Variants in EGFL7 observed in about 807,000 individuals in gnomAD.
EGFL7 encodes the protein EGF like domain multiple 7.
EGFL7 carries 48 observed loss-of-function variants against 37.1 expected under a neutral mutation model. The ratio of observed to expected loss-of-function variants is 1.29; its 90% CI spans 1.03 to 1.65. The LOEUF (loss-of-function observed/expected upper bound fraction) is 1.65. EGFL7 is among the 40% of genes most tolerant of loss of function. EGFL7 has a pLI of 0.00. For missense variants in EGFL7, 384 were observed against 378.9 expected (o/e 1.01, Z -0.11); for synonymous variants, 180 against 156.8 (o/e 1.15, Z -1.10).
Position 136,671,021 on chromosome 9 carries a change from CA to C in EGFL7, c.636+8del. ...GGTGGACCTGCTGGAGGAGGTGAGG[CA>C]TTGGTGGGGGGGGGGGGGGGCAGGC... On this transcript the variant is annotated splice_region_variant and intron_variant, in intron 9 of 10. Transcript: ENST00000308874. 2 of 401,978 alleles carry C rather than the reference CA, an allele frequency of 5.0e-6. No individual in the cohort carries two copies. The highest frequency in any genetic ancestry group is 3.9e-6 in the Non-Finnish European group (1 of 253,480). The allele number at this position is 401,978 out of a possible 1,614,324, so 24.9% of individuals were successfully genotyped here.
At position 136,669,997 on chromosome 9, in the gene EGFL7, A is replaced by C. The variant is rs779130991; in HGVS notation, c.397A>C (p.Thr133Pro). The C allele has an allele frequency of 6.3e-7, 1 of 1,598,332 alleles. No homozygotes were observed. The highest frequency in any genetic ancestry group is 8.5e-7 in the Non-Finnish European group (1 of 1,170,944). Residue 133 changes from threonine to proline, a missense_variant, in exon 7 of 11, where the codon ACT becomes CCT. Transcript: ENST00000308874. ...CTGCCCTGCAGGATGGCGGGGTGAC[A>C]CTTGCCAGTCAGGTGAGGCTGGCTC... Reference protein sequence around the residue: ...CRCPAGWRGDTCQSDVDECSA... With the variant: ...CRCPAGWRGDPCQSDVDECSA...
Position 136,670,974 on chromosome 9 carries a change from A to T in EGFL7, c.596A>T (p.Glu199Val). The T allele has an allele frequency of 6.8e-7, 1 of 1,478,520 alleles. No homozygotes were observed. The highest frequency in any genetic ancestry group is 2.0e-5 in the Admixed American group (1 of 49,244). The allele number at this position is 1,478,520 out of a possible 1,614,324, so 91.6% of individuals were successfully genotyped here. ...PTGVDSAMKE[E>V]VQRLQSRVDL... ...GGAGTGGACAGTGCAATGAAGGAAG[A>T]AGTGCAGAGGCTGCAGTCCAGGGTG... The change falls in exon 9 of 11, where the codon GAA (glutamate) becomes GTA (valine). Residue 199 changes from glutamate (E) to valine (V), a missense_variant. Glu to Val is a moderately radical substitution (Grantham distance 121, BLOSUM62 -2). Transcript: ENST00000308874.
Position 136,672,641 on chromosome 9 carries a change from T to G in EGFL7, c.*355T>G, listed in dbSNP as rs1845994620. 1 of 438,998 alleles carries G rather than the reference T, an allele frequency of 2.3e-6. No individual in the cohort carries two copies. The highest frequency in any genetic ancestry group is 4.1e-6 in the Non-Finnish European group (1 of 241,268). 27.2% of individuals were successfully genotyped at this position (438,998 alleles called of 1,614,324 possible). A position where few individuals can be genotyped will look rare whatever the true frequency, so the allele number is the denominator to read the frequency against. On this transcript the variant is annotated 3_prime_UTR_variant, in exon 11 of 11. Transcript: ENST00000308874. The stretch of plus-strand genomic sequence containing the variant: ...GGCTGGGTGGGGCCTCAGTGGGGGC[T>G]GCTGCCTGACCCCCAGCACAATAAA...
At position 136,668,248 on chromosome 9, in the gene EGFL7, AGAG is replaced by A; in HGVS notation, c.-31_-29del. On this transcript the variant is annotated 5_prime_UTR_variant, in exon 4 of 11. Coordinates refer to ENST00000308874, the MANE Select transcript of EGFL7 (RefSeq NM_016215.5). Reference sequence around the variant, plus strand: ...TCATGCTTTGTGCCCCAGGCCACCCAGAGGAGAAGGCCACCCCGCCTGGAGGCA... The same window carrying A: ...TCATGCTTTGTGCCCCAGGCCACCCAGAGAAGGCCACCCCGCCTGGAGGCA... The A allele has an allele frequency of 1.9e-6, 3 of 1,567,764 alleles. No individual in the cohort carries two copies. The highest frequency in any genetic ancestry group is 2.6e-6 in the Non-Finnish European group (3 of 1,153,312).
rs934246541 is a variant in EGFL7 at position 136,666,117 on chromosome 9, C to G, written c.-43+1332C>G. Among the ~76,000 whole-genome samples the G allele has an allele frequency of 2.0e-5, 3 of 147,764 alleles. No individual in the cohort carries two copies. The highest frequency in any genetic ancestry group is 3.0e-5 in the Non-Finnish European group (2 of 66,332). On this transcript the variant is annotated intron_variant, in intron 3 of 10. Coordinates refer to ENST00000308874, the MANE Select transcript of EGFL7 (RefSeq NM_016215.5). This position sits in a 1 kb window ranked among gnomAD's most constrained non-coding sequence, Gnocchi z 6.8. ...GAGGGCCGGGGTCGCCGCGGCCCCT[C>G]GTCCGACCCGGCGCGACTCAGCGCC...
At chr9:136,669,773 A>G (rs2119135302) in intron 6 of EGFL7, 52 bp downstream of exon 6, 3 of 1,478,036 alleles carry the variant, frequency 2.0e-6, no homozygotes, top group East Asian at 2.5e-5. Flanking sequence ...CTGTTCCCCA[A>G]TCTTCCAGCA....
At position 136,669,978 on chromosome 9, in the gene EGFL7, T is replaced by C. The variant is rs1460634634; in HGVS notation, c.378T>C (p.Pro126=). The C allele has an allele frequency of 1.2e-6, 2 of 1,602,670 alleles. No homozygotes were observed. Among genetic ancestry groups the C allele is most frequent in the Non-Finnish European group, 1.7e-6 (2 of 1,173,798 alleles). The part of the protein sequence containing the change: ...SCVQPGRCRC[P]AGWRGDTCQS... ...TCCAGCCTGGCCGCTGCCGCTGCCC[T>C]GCAGGATGGCGGGGTGACACTTGCC... is the stretch of plus-strand genomic sequence containing the variant. The change falls in exon 7 of 11, where the codon CCT becomes CCC. Residue 126 remains proline, a synonymous_variant. Coordinates refer to ENST00000308874, the MANE Select transcript of EGFL7 (RefSeq NM_016215.5).
At chr9:136,659,292 T>A (rs1844997006), upstream of EGFL7, 2 of 152,256 alleles carry the variant, frequency 1.3e-5, no homozygotes, top group African/African-American at 4.8e-5. Flanking sequence ...GGACGTCCTC[T>A]GATGGGAAGG....
In EGFL7 at chr9:136,669,539, CTA is replaced by C. The variant is rs1845699774; in HGVS notation, c.198-66_198-65del. The stretch of plus-strand genomic sequence containing the variant: ...ACCCTGTGCACTCTGAGAGGGGACT[CTA>C]GATGCCCAGCAGGTGACTAAGGGGG... On this transcript the variant is annotated intron_variant, in intron 5 of 10. Transcript: ENST00000308874. The C allele has an allele frequency of 6.6e-6, 8 of 1,218,954 alleles. No individual in the cohort carries two copies. In the East Asian group the frequency reaches 2.0e-4, roughly 30 times the overall value. 75.5% of individuals were successfully genotyped at this position (1,218,954 alleles called of 1,614,324 possible). A position where few individuals can be genotyped will look rare whatever the true frequency, so the allele number is the denominator to read the frequency against.
Position 136,666,889 on chromosome 9 carries a change from C to T in EGFL7, c.-42-1352C>T, listed in dbSNP as rs1023347968. On this transcript the variant is annotated intron_variant, in intron 3 of 10. Transcript: ENST00000308874. The surrounding 1 kb of genome is among the most constrained non-coding windows in gnomAD (Gnocchi z 6.8). Reference sequence around the variant, plus strand: ...CCAGCTCTGCCCCCTCGACAAACTCCTGCCCAAAAACTGCTGTGATGCCCC... The same window carrying T: ...CCAGCTCTGCCCCCTCGACAAACTCTTGCCCAAAAACTGCTGTGATGCCCC... Among the ~76,000 whole-genome samples the T allele has an allele frequency of 2.0e-5, 3 of 152,126 alleles. No individual in the cohort carries two copies. Among genetic ancestry groups the T allele is most frequent in the Admixed American group, 6.5e-5 (1 of 15,286 alleles).
intron 3 of EGFL7, among the ~76,000 whole-genome samples, chr9:136,668,015 C>T (rs1025025226): frequency 2.6e-5 from 4 of 152,318 alleles, no homozygotes; most frequent in Non-Finnish European, 4.4e-5. Context: ...AGCGTCACCC[C>T]CCCTGTGCCC....
In EGFL7 at chr9:136,670,023, T is replaced by C. The variant is rs776170753; in HGVS notation, c.409+14T>C. On this transcript the variant is annotated intron_variant, in intron 7 of 10. Transcript: ENST00000308874. The stretch of plus-strand genomic sequence containing the variant: ...CTTGCCAGTCAGGTGAGGCTGGCTC[T>C]ACCCTGGGGGGCCCTGGAAGGGTCC... 1 of 1,587,402 alleles carries C rather than the reference T, an allele frequency of 6.3e-7. No homozygotes were observed. The highest frequency in any genetic ancestry group is 8.6e-7 in the Non-Finnish European group (1 of 1,164,242).
upstream of EGFL7, chr9:136,659,558 AGGCCCGGGAG>A (rs1007016249): frequency 2.0e-5 from 3 of 151,902 alleles, no homozygotes; most frequent in African/African-American, 7.3e-5. Context: ...GGGGTCCGGG[AGGCCCGGGAG>A]GGCCCGGGGG....
chr9:136,665,313 C>A (rs1260295576), intron 3 of EGFL7, among the ~76,000 whole-genome samples: 1 of 152,252 alleles, frequency 6.6e-6, no homozygotes, highest in African/African-American at 2.4e-5. Flanking sequence ...ATGATGCCCA[C>A]TGCCTGCGAG....
At position 136,667,945 on chromosome 9, in the gene EGFL7, C is replaced by T. The variant is rs535826577; in HGVS notation, c.-42-296C>T. 2.1e-3 allele frequency among the ~76,000 whole-genome samples: 322 copies of T among 152,282 alleles called. 1 individual carries two copies. The highest frequency in any genetic ancestry group is 7.4e-3 in the African/African-American group (306 of 41,550). ...CACCCGTAGCTGGAGCCATCCTTCCCGGAGCCTCGGGCAGATGCCCAGCAG... is the reference window on the plus strand; with the variant it reads ...CACCCGTAGCTGGAGCCATCCTTCCTGGAGCCTCGGGCAGATGCCCAGCAG... On this transcript the variant is annotated intron_variant, in intron 3 of 10. Transcript: ENST00000308874.
intron 3 of EGFL7, among the ~76,000 whole-genome samples, chr9:136,665,562 A>G (rs1255583075): frequency 6.6e-6 from 1 of 152,092 alleles, no homozygotes; most frequent in Non-Finnish European, 1.5e-5. Flanking sequence ...CTCGGGCCCC[A>G]GGATTCCCGG....
Position 136,666,361 on chromosome 9 carries a change from G to C in EGFL7, c.-43+1576G>C, listed in dbSNP as rs949007123. On this transcript the variant is annotated intron_variant, in intron 3 of 10. Transcript: ENST00000308874. The surrounding 1 kb of genome is among the most constrained non-coding windows in gnomAD (Gnocchi z 6.8). ...CGGACCCGGCCTCTCGCGGGTGGGGGCTGCGGGGCTGCTGCCGGGCAGGTG... is the reference window on the plus strand; with the variant it reads ...CGGACCCGGCCTCTCGCGGGTGGGGCCTGCGGGGCTGCTGCCGGGCAGGTG... Among the ~76,000 whole-genome samples, 94 of 151,772 alleles carry C rather than the reference G, an allele frequency of 6.2e-4. 1 individual carries two copies. Among genetic ancestry groups the C allele is most frequent in the Non-Finnish European group, 1.8e-4 (12 of 67,864 alleles).
At position 136,665,094 on chromosome 9, in the gene EGFL7, G is replaced by A. The variant is rs147429396; in HGVS notation, c.-43+309G>A. ...CTCTCTGGGGGCCTGTGGATTCGCT[G>A]GGAGGAGTGTTCTGCGATGGCCCTG... On this transcript the variant is annotated intron_variant, in intron 3 of 10. Coordinates refer to ENST00000308874, the MANE Select transcript of EGFL7 (RefSeq NM_016215.5). Among the ~76,000 whole-genome samples, 406 of 152,346 alleles carry A rather than the reference G, an allele frequency of 2.7e-3. 1 individual carries two copies. The highest frequency in any genetic ancestry group is 9.3e-3 in the African/African-American group (387 of 41,580).
chr9:136,669,846 C>G, intron 6 of EGFL7, 68 bp from the exon 7 acceptor site: 1 of 1,474,112 alleles, frequency 6.8e-7, no homozygotes, highest in South Asian at 1.3e-5. Flanking sequence ...GCACCCACTC[C>G]CTAGCAGCTG....
Sources: allele counts gnomAD v4.1 joint callset (sites outside exome capture counted in the v4.1 genomes callset), GRCh38; gene constraint gnomAD v4.1.1; non-coding constraint Gnocchi (gnomAD v3.1); transcripts MANE v1.5; gene names NCBI Gene and HGNC (gene_info 2026-07-23, HGNC 2026-07-21).